Variants in SERPINI1 observed in about 807,000 individuals in gnomAD.
The protein encoded by SERPINI1 is neuroserpin.
SERPINI1 carries 19 observed loss-of-function variants against 41.1 expected under a neutral mutation model. That is an observed-to-expected ratio of 0.46 (90% CI 0.32 to 0.68). SERPINI1 has a LOEUF of 0.68. Among genes scored for constraint, SERPINI1 ranks in the 30% least tolerant of loss-of-function variants. The pLI is 0.03. For missense variants in SERPINI1, 460 were observed against 479.2 expected, an observed-to-expected ratio of 0.96 and a Z score of 0.37; for synonymous variants, 138 against 156.6, an observed-to-expected ratio of 0.88 and a Z score of 0.89.
intron 1 of SERPINI1, among the ~76,000 whole-genome samples, chr3:167,784,997 CT>C (rs1727261747): frequency 1.3e-5 from 2 of 152,190 alleles, no homozygotes; most frequent in Non-Finnish European, 2.9e-5. Context: ...AATCCCAGCA[CT>C]TTGGGAGGCC....
chr3:167,804,912 T>G (rs1407323498), intron 5 of SERPINI1, among the ~76,000 whole-genome samples: 1 of 152,190 alleles, frequency 6.6e-6, no homozygotes, highest in Non-Finnish European at 1.5e-5. Context: ...AGTTTGGTGA[T>G]ACAATTCATT....
At chr3:167,779,938 T>C (rs182688571) in intron 1 of SERPINI1, among the ~76,000 whole-genome samples, 440 of 152,282 alleles carry the variant, frequency 2.9e-3, no homozygotes, top group African/African-American at 0.01. Flanking sequence ...ATTTATATCA[T>C]AATTTCATGG....
intron 1 of SERPINI1, among the ~76,000 whole-genome samples, chr3:167,742,818 TTGTGTGTGTGTGTGTGTGTGTGTG>T (rs10576293): frequency 1.4e-5 from 2 of 145,000 alleles, no homozygotes; most frequent in African/African-American, 5.1e-5. Flanking sequence ...TTGTGCCGTT[TTGTGTGTGTGTGTGTGTGTGTGTG>T]TGTGTGTGTG....
chr3:167,783,409 C>T (rs1016418155), intron 1 of SERPINI1, among the ~76,000 whole-genome samples: 3 of 152,144 alleles, frequency 2.0e-5, no homozygotes, highest in African/African-American at 7.2e-5. Flanking sequence ...AAACTGCTGG[C>T]AGGCATCAAC....
chr3:167,772,837 T>A (rs1042674911), intron 1 of SERPINI1, among the ~76,000 whole-genome samples: 1,216 of 20,204 alleles, frequency 0.06, 18 homozygotes, highest in African/African-American at 0.088. Flanking sequence ...TCTCTCTCTC[T>A]CTCTCTCTCT....
intron 1 of SERPINI1, among the ~76,000 whole-genome samples, chr3:167,774,432 G>T (rs1726896333): frequency 6.6e-6 from 1 of 152,156 alleles, no homozygotes; most frequent in Non-Finnish European, 1.5e-5. Flanking sequence ...AGCTACTGCA[G>T]CAAAGTGAAC....
Position 167,744,813 on chromosome 3 carries a change from A to G in SERPINI1, c.-19+8990A>G, listed in dbSNP as rs1303660137. Among the ~76,000 whole-genome samples the G allele has an allele frequency of 2.5e-3, 311 of 124,868 alleles. 1 individual carries two copies. The highest frequency in any genetic ancestry group is 4.4e-3 in the Non-Finnish European group (271 of 61,476). The allele number at this position is 124,868 out of a possible 152,430, so 81.9% of individuals were successfully genotyped here. A position where few individuals can be genotyped will look rare whatever the true frequency, so the allele number is the denominator to read the frequency against. On this transcript the variant is annotated intron_variant, in intron 1 of 8. Transcript: ENST00000446050. The stretch of plus-strand genomic sequence containing the variant: ...TTATATATATATATAATATATAAAT[A>G]TAGTTATATATATAATATATATATT...
chr3:167,789,499 G>A (rs755774193), intron 2 of SERPINI1, 121 bp downstream of exon 2: 13 of 1,180,464 alleles, frequency 1.1e-5, no homozygotes, highest in Non-Finnish European at 1.6e-5. Flanking sequence ...TCATTGAAAT[G>A]GTATGGCTAG....
At chr3:167,758,408 T>A (rs1726258773) in intron 1 of SERPINI1, among the ~76,000 whole-genome samples, 1 of 152,170 alleles carries the variant, frequency 6.6e-6, no homozygotes, top group Non-Finnish European at 1.5e-5. Context: ...CAAAAAATAA[T>A]TTCGATACAT....
intron 1 of SERPINI1, among the ~76,000 whole-genome samples, chr3:167,743,180 G>A (rs1725735411): frequency 6.6e-6 from 1 of 152,008 alleles, no homozygotes; most frequent in African/African-American, 2.4e-5. Flanking sequence ...GATTTTCTTA[G>A]CTGCCTGAAA....
At chr3:167,818,312 G>C (rs2108572928) in intron 6 of SERPINI1, among the ~76,000 whole-genome samples, 1 of 152,250 alleles carries the variant, frequency 6.6e-6, no homozygotes, top group South Asian at 2.1e-4. Context: ...ACAGGTGTGA[G>C]CCACCGCGCC....
chr3:167,751,491 ATC>A (rs1314715900), intron 1 of SERPINI1, among the ~76,000 whole-genome samples: 1 of 152,228 alleles, frequency 6.6e-6, no homozygotes, highest in Non-Finnish European at 1.5e-5. Flanking sequence ...AGTCAACCGT[ATC>A]TGTTAACTTC....
At chr3:167,751,371 T>A (rs1001788329) in intron 1 of SERPINI1, among the ~76,000 whole-genome samples, 4 of 152,220 alleles carry the variant, frequency 2.6e-5, no homozygotes, top group African/African-American at 9.6e-5. Flanking sequence ...TTTTGGAATA[T>A]GTCTACTTGA....
intron 5 of SERPINI1, among the ~76,000 whole-genome samples, chr3:167,803,271 T>G (rs1711510544): frequency 2.1e-5 from 3 of 139,864 alleles, no homozygotes; most frequent in Non-Finnish European, 4.6e-5. Flanking sequence ...AAACTTAAAG[T>G]ATAATAATAA....
At chr3:167,776,467 G>T (rs1359467578) in intron 1 of SERPINI1, among the ~76,000 whole-genome samples, 1 of 152,180 alleles carries the variant, frequency 6.6e-6, no homozygotes, top group Admixed American at 6.5e-5. Context: ...ATTCCAAATG[G>T]AGCCTCTTTA....
Position 167,735,737 on chromosome 3 carries a change from G to A in SERPINI1, c.-105G>A, listed in dbSNP as rs1008687452. ...GTCTGGACTGTAGTTTCCCGGGAGA[G>A]ACGAAAGCAGGAACGAGAGCGGAGC... is the stretch of plus-strand genomic sequence containing the variant. On this transcript the variant is annotated 5_prime_UTR_variant, in exon 1 of 9. Coordinates refer to ENST00000446050, the MANE Select transcript of SERPINI1 (RefSeq NM_001122752.2). 1.3e-5 allele frequency: 2 copies of A among 152,354 alleles called. No homozygotes were observed. Among genetic ancestry groups the A allele is most frequent in the African/African-American group, 4.8e-5 (2 of 41,456 alleles). The allele number at this position is 152,354 out of a possible 1,614,324, so 9.4% of individuals were successfully genotyped here. A position where few individuals can be genotyped will look rare whatever the true frequency, so the allele number is the denominator to read the frequency against.
intron 8 of SERPINI1, 88 bp downstream of exon 8, chr3:167,824,650 A>G (rs1027594126): frequency 8.0e-6 from 6 of 749,098 alleles, no homozygotes; most frequent in Non-Finnish European, 1.4e-5. Context: ...AGTACTCATC[A>G]TATAATTTCT....
intron 6 of SERPINI1, among the ~76,000 whole-genome samples, chr3:167,811,382 A>C (rs138967743): frequency 6.6e-6 from 1 of 151,790 alleles, no homozygotes; most frequent in Admixed American, 6.6e-5. Context: ...GTGGAAACAG[A>C]GAAGAAAAAA....
At chr3:167,817,205 T>C (rs7651327) in intron 6 of SERPINI1, among the ~76,000 whole-genome samples, 46,202 of 152,004 alleles carry the variant, frequency 0.3, 8,904 homozygotes, top group African/African-American at 0.55. Flanking sequence ...TCCATTGAAA[T>C]TCATTCAAAA....
Sources: gnomAD v4.1 joint callset for allele counts (sites outside exome capture counted in the v4.1 genomes callset) on GRCh38, gnomAD v4.1.1 for gene constraint, MANE v1.5 for transcripts, NCBI Gene and HGNC (gene_info 2026-07-23, HGNC 2026-07-21) for gene names.